The following FN3K variants were observed in gnomAD, a reference collection of about 807,000 sequenced individuals.
FN3K encodes the protein fructosamine 3 kinase, also known as fructosamine-3-kinase.
FN3K carries 24 observed loss-of-function variants against 24.8 expected under a neutral mutation model. That is an observed-to-expected ratio of 0.97 (90% confidence interval 0.70 to 1.36). The LOEUF (loss-of-function observed/expected upper bound fraction) is 1.36, where lower values mean the gene tolerates loss of function less well. Ranked by LOEUF, FN3K falls within the 40% of genes most tolerant of loss-of-function variation. The pLI is 0.00. For synonymous variants in FN3K, 192 were observed against 175.2 expected (o/e 1.10, Z -0.76); for missense variants, 449 against 416.7 (o/e 1.08, Z -0.67).
rs372365696 is a variant in FN3K at position 82,738,154 on chromosome 17, G to A, written c.142-335G>A. On this transcript the variant is annotated intron_variant, in intron 1 of 5. Coordinates refer to ENST00000300784, the MANE Select transcript of FN3K (RefSeq NM_022158.4). ...AGGCAGCAAGGAAGGTGGGTAGCCC[G>A]GGGGTCCAGCTCTGGACCTTGGTTC... 5.9e-5 allele frequency: 16 copies of A among 272,038 alleles called. No individual in the cohort carries two copies. The South Asian group carries it at 6.5e-4, about 11-fold the overall frequency. The allele number at this position is 272,038 out of a possible 1,614,324, so 16.9% of individuals were successfully genotyped here. A position where few individuals can be genotyped will look rare whatever the true frequency, so the allele number is the denominator to read the frequency against.
intron 4 of FN3K, 149 bp from the exon 5 acceptor site, chr17:82,748,706 C>T: frequency 2.4e-6 from 3 of 1,245,648 alleles, no homozygotes; most frequent in Non-Finnish European, 3.4e-6. Context: ...CTTTACCTGC[C>T]TTCCTCTGGG....
chr17:82,750,851 C>A lies in FN3K; in HGVS notation c.*96C>A. 1.1e-6 allele frequency: 1 copy of A among 949,680 alleles called. No homozygotes were observed. Among genetic ancestry groups the A allele is most frequent in the Non-Finnish European group, 1.5e-6 (1 of 656,756 alleles). The allele number at this position is 949,680 out of a possible 1,614,324, so 58.8% of individuals were successfully genotyped here. A position where few individuals can be genotyped will look rare whatever the true frequency, so the allele number is the denominator to read the frequency against. ...GTCCCTGTGCCCCCGTCCCTGTCCC[C>A]CTGTTCCCGTCTCCCCGTCCCTCCG... On this transcript the variant is annotated 3_prime_UTR_variant, in exon 6 of 6. Transcript: ENST00000300784.
intron 1 of FN3K, among the ~76,000 whole-genome samples, chr17:82,737,094 T>C (rs1337842105): frequency 6.6e-6 from 1 of 152,120 alleles, no homozygotes; most frequent in African/African-American, 2.4e-5. Context: ...CTCCCACCTG[T>C]GGACACTCAC....
chr17:82,739,510 T>C (rs1365039124), intron 2 of FN3K, among the ~76,000 whole-genome samples: 1 of 147,270 alleles, frequency 6.8e-6, no homozygotes, highest in East Asian at 2.0e-4. Flanking sequence ...CAGGCTGGAG[T>C]GCAGTGGCGC....
At chr17:82,745,846 C>T (rs945118170) in intron 4 of FN3K, 3 of 152,106 alleles carry the variant, frequency 2.0e-5, no homozygotes, top group Non-Finnish European at 4.4e-5. Context: ...GTAATCCCAG[C>T]ACTTTGGGAG....
chr17:82,750,992 C>T lies in FN3K; in HGVS notation c.*237C>T. 1 of 150,174 alleles carries T rather than the reference C, an allele frequency of 6.7e-6. No homozygotes were observed. Among genetic ancestry groups the T allele is most frequent in the Non-Finnish European group, 1.2e-5 (1 of 85,582 alleles). The allele number at this position is 150,174 out of a possible 1,614,324, so 9.3% of individuals were successfully genotyped here. Reference sequence around the variant, plus strand: ...ACATACCAATCCCCCTGTCCCCGACCCCCCATCCCCGTCCCCCATCTCCGT... The same window carrying T: ...ACATACCAATCCCCCTGTCCCCGACTCCCCATCCCCGTCCCCCATCTCCGT... On this transcript the variant is annotated 3_prime_UTR_variant, in exon 6 of 6. Coordinates refer to ENST00000300784, the MANE Select transcript of FN3K (RefSeq NM_022158.4).
In FN3K at chr17:82,740,439, A is replaced by G. The variant is rs1407766488; in HGVS notation, c.294-324A>G. Among the ~76,000 whole-genome samples the G allele has an allele frequency of 2.0e-5, 3 of 150,998 alleles. No individual in the cohort carries two copies. The East Asian group carries it at 5.8e-4, about 29-fold the overall frequency. ...TCTCTACAAAAAAAAAAAAAAAAAAAAAAAAAGCCAGGAATGGTGGCACAG... is the reference window on the plus strand; with the variant it reads ...TCTCTACAAAAAAAAAAAAAAAAAAGAAAAAAGCCAGGAATGGTGGCACAG... On this transcript the variant is annotated intron_variant, in intron 2 of 5. Transcript: ENST00000300784.
Position 82,746,291 on chromosome 17 carries a change from T to C in FN3K, c.469-2564T>C, listed in dbSNP as rs372405067. The stretch of plus-strand genomic sequence containing the variant: ...TTCTATTTTGCATTTCCATAATGAC[T>C]GAAGATGTGGAGCATCTATTCGTGT... On this transcript the variant is annotated intron_variant, in intron 4 of 5. Coordinates refer to ENST00000300784, the MANE Select transcript of FN3K (RefSeq NM_022158.4). Among the ~76,000 whole-genome samples the C allele has an allele frequency of 1.2e-4, 18 of 152,270 alleles. 1 individual carries two copies. The South Asian group carries it at 1.9e-3, about 16-fold the overall frequency.
chr17:82,747,712 C>G (rs1388538431), intron 4 of FN3K, among the ~76,000 whole-genome samples: 1 of 152,144 alleles, frequency 6.6e-6, no homozygotes, highest in Non-Finnish European at 1.5e-5. Flanking sequence ...CTATTGATTT[C>G]TAATTGAATT....
chr17:82,737,347 T>C (rs1438179018), intron 1 of FN3K, among the ~76,000 whole-genome samples: 1 of 151,290 alleles, frequency 6.6e-6, no homozygotes, highest in African/African-American at 2.4e-5. Context: ...ATTCCATCTC[T>C]TTTTTTTTGA....
In FN3K at chr17:82,750,426, C is replaced by G. The variant is rs2047003072; in HGVS notation, c.601C>G (p.Pro201Ala). Residue 201 changes from proline to alanine, a missense_variant, in exon 6 of 6, where the codon CCG becomes GCG. By Grantham distance (27) the Pro-to-Ala change is conservative (BLOSUM62 -1). Coordinates refer to ENST00000300784, the MANE Select transcript of FN3K (RefSeq NM_022158.4). ...GCCGTTGCTCTCGTAGGTGAAGATC[C>G]CGGATCTGTTTTGTGGCCTAGAGAT... ...ELWSRLQVKI[P>A]DLFCGLEIVP... The G allele has an allele frequency of 2.5e-6, 4 of 1,614,090 alleles. No homozygotes were observed. The highest frequency in any genetic ancestry group is 2.5e-6 in the Non-Finnish European group (3 of 1,179,990).
intron 1 of FN3K, among the ~76,000 whole-genome samples, chr17:82,737,447 C>T (rs887363179): frequency 3.3e-5 from 5 of 151,990 alleles, no homozygotes; most frequent in East Asian, 3.9e-4. Flanking sequence ...CTCAGCCTCC[C>T]GAGTAGCTGG....
intron 4 of FN3K, among the ~76,000 whole-genome samples, chr17:82,742,293 G>A (rs1201888377): frequency 2.0e-5 from 3 of 151,980 alleles, no homozygotes; most frequent in Admixed American, 1.3e-4. Flanking sequence ...CACCCACCTC[G>A]GCCTCCCAAA....
rs1172621900 is a variant in FN3K at position 82,750,928 on chromosome 17, C to T, written c.*173C>T. On this transcript the variant is annotated 3_prime_UTR_variant, in exon 6 of 6. Coordinates refer to ENST00000300784, the MANE Select transcript of FN3K (RefSeq NM_022158.4). Reference sequence around the variant, plus strand: ...CCTGTCCCCGTCCCCCCGTCCCCGTCCCTCCATCCCTGTCCCCCGTCCCCC... The same window carrying T: ...CCTGTCCCCGTCCCCCCGTCCCCGTTCCTCCATCCCTGTCCCCCGTCCCCC... The T allele has an allele frequency of 2.3e-5, 8 of 347,978 alleles. No homozygotes were observed. The highest frequency in any genetic ancestry group is 9.8e-5 in the East Asian group (2 of 20,474). 21.6% of individuals were successfully genotyped at this position (347,978 alleles called of 1,614,324 possible). A position where few individuals can be genotyped will look rare whatever the true frequency, so the allele number is the denominator to read the frequency against.
In FN3K at chr17:82,738,946, A is replaced by ATATT. The variant is rs2046924312; in HGVS notation, c.293+307_293+308insATTT. On this transcript the variant is annotated intron_variant, in intron 2 of 5. Transcript: ENST00000300784. ...TACACATATATATATATATATATAT[A>ATATT]TTTTTTTTTTTTTTGAAACACAGTC... 3.5e-5 allele frequency among the ~76,000 whole-genome samples: 3 copies of ATATT among 86,182 alleles called. No homozygotes were observed. In the South Asian group the frequency reaches 1.3e-3, roughly 38 times the overall value. 56.5% of individuals were successfully genotyped at this position (86,182 alleles called of 152,430 possible).
chr17:82,749,724 C>T (rs1238648615), intron 5 of FN3K: 3 of 159,328 alleles, frequency 1.9e-5, no homozygotes, highest in South Asian at 1.8e-4. Flanking sequence ...GCATGTCAAT[C>T]CAGAGTGAGT....
At position 82,750,718 on chromosome 17, in the gene FN3K, G is replaced by A. The variant is rs1233455103; in HGVS notation, c.893G>A (p.Ser298Asn). ...AACCACTTCGGGCGGGAGTACAGGAGCCCTTCCTTGGGCACCATGCGAAGG... is the reference window on the plus strand; with the variant it reads ...AACCACTTCGGGCGGGAGTACAGGAACCCTTCCTTGGGCACCATGCGAAGG... ...HWNHFGREYR[S>N]PSLGTMRRLL... The change falls in exon 6 of 6, where the codon AGC (serine) becomes AAC (asparagine). Residue 298 changes from serine (S) to asparagine (N), a missense_variant. Transcript: ENST00000300784. 2.5e-6 allele frequency: 4 copies of A among 1,613,484 alleles called. No individual in the cohort carries two copies. The highest frequency in any genetic ancestry group is 1.7e-5 in the Admixed American group (1 of 60,000).
chr17:82,737,555 C>T (rs926282924), intron 1 of FN3K: 2 of 152,236 alleles, frequency 1.3e-5, no homozygotes, highest in African/African-American at 2.4e-5. Context: ...ATCTCCTGAC[C>T]TTGTGATCCG....
At chr17:82,740,128 C>G (rs2046932619) in intron 2 of FN3K, among the ~76,000 whole-genome samples, 1 of 152,050 alleles carries the variant, frequency 6.6e-6, no homozygotes, top group African/African-American at 2.4e-5. Context: ...GTCTTGAACT[C>G]CTGGCCTCAT....
Sources: allele counts gnomAD v4.1 joint callset (sites outside exome capture counted in the v4.1 genomes callset), GRCh38; gene constraint gnomAD v4.1.1; transcripts MANE v1.5; gene names NCBI Gene and HGNC (gene_info 2026-07-23, HGNC 2026-07-21).